MMP28: variants seen among roughly 807,000 people sequenced by gnomAD.
MMP28 encodes the protein matrix metalloproteinase-28.
MMP28 carries 55 observed loss-of-function variants against 60.5 expected under a neutral mutation model. The ratio of observed to expected loss-of-function variants is 0.91; its 90% confidence interval spans 0.73 to 1.14. MMP28 has a LOEUF of 1.14. MMP28 is among the 50% of genes most tolerant of loss of function. MMP28 has a pLI of 0.00. For missense variants in MMP28, 686 were observed against 738.3 expected (o/e 0.93, Z 0.82); for synonymous variants, 318 against 312.5 (o/e 1.02, Z -0.18).
chr17:35,788,665 T>C (rs1312796109), intron 1 of MMP28, among the ~76,000 whole-genome samples: 3 of 152,080 alleles, frequency 2.0e-5, no homozygotes, highest in Non-Finnish European at 4.4e-5. Flanking sequence ...TGGGGGTGGA[T>C]ACTCCACAGA....
downstream of MMP28, chr17:35,764,393 C>T: frequency 6.7e-7 from 1 of 1,501,424 alleles, no homozygotes; most frequent in Non-Finnish European, 8.9e-7. Flanking sequence ...GAGGGGCTGC[C>T]CCAGGCACTG....
At chr17:35,756,863 C>T (rs1568111914) in intron 2 of MMP28, among the ~76,000 whole-genome samples, 2 of 152,068 alleles carry the variant, frequency 1.3e-5, no homozygotes, top group African/African-American at 4.8e-5. Context: ...GAGTTGTTCT[C>T]CAGAGACAAG....
intron 1 of MMP28, among the ~76,000 whole-genome samples, chr17:35,785,212 G>A (rs2086613198): frequency 6.6e-6 from 1 of 152,126 alleles, no homozygotes; most frequent in Non-Finnish European, 1.5e-5. Context: ...AGCCTATTTA[G>A]TGCCTGAGGG....
chr17:35,764,102 G>A (rs781887858), downstream of MMP28: 4 of 1,550,334 alleles, frequency 2.6e-6, no homozygotes, highest in Non-Finnish European at 2.6e-6. Flanking sequence ...GGACGAGGAC[G>A]AGGACAACCA....
At chr17:35,763,938 A>AAATAAATAAATAAATAAATG (rs1568121389), downstream of MMP28, 4 of 1,077,316 alleles carry the variant, frequency 3.7e-6, no homozygotes, top group Non-Finnish European at 1.2e-6. Flanking sequence ...ATAAATAAAT[A>AAATAAATAAATAAATAAATG]CATGAAAAAT....
intron 2 of MMP28, among the ~76,000 whole-genome samples, chr17:35,759,140 CT>C (rs1568114337): frequency 6.6e-6 from 1 of 152,132 alleles, no homozygotes; most frequent in Non-Finnish European, 1.5e-5. Context: ...GTTCTCAAGT[CT>C]TTTGGTCATT....
chr17:35,756,921 GA>G (rs1306704545), intron 2 of MMP28, among the ~76,000 whole-genome samples: 1 of 151,924 alleles, frequency 6.6e-6, no homozygotes, highest in Non-Finnish European at 1.5e-5. Flanking sequence ...GACTGGGCCG[GA>G]CACAGTGGCT....
chr17:35,794,866 G>C (rs1598496475), intron 1 of MMP28, among the ~76,000 whole-genome samples: 1 of 152,272 alleles, frequency 6.6e-6, no homozygotes, highest in South Asian at 2.1e-4. Context: ...CCCGCGTCCC[G>C]GCCAGCCAGC....
Position 35,789,016 on chromosome 17 carries a change from C to T in MMP28, c.111+6251G>A, listed in dbSNP as rs1398319574. ...TCCTAAGTTGCCCACTGAACTTGTTCCTAAGTTGCAACAATGAACTTGTTT... is the reference window on the plus strand; with the variant it reads ...TCCTAAGTTGCCCACTGAACTTGTTTCTAAGTTGCAACAATGAACTTGTTT... On this transcript the variant is annotated intron_variant, in intron 1 of 7. Transcript: ENST00000605424. 3.9e-5 allele frequency among the ~76,000 whole-genome samples: 6 copies of T among 152,274 alleles called. No individual in the cohort carries two copies. The South Asian group carries it at 1.0e-3, about 26-fold the overall frequency.
intron 3 of MMP28, among the ~76,000 whole-genome samples, chr17:35,776,156 G>T (rs1212278499): frequency 6.6e-6 from 1 of 151,004 alleles, no homozygotes; most frequent in East Asian, 1.9e-4. Flanking sequence ...TTACAGGTGT[G>T]AGCCACCGCG....
Position 35,766,707 on chromosome 17 carries a change from G to T in MMP28, c.1356C>A (p.Tyr452Ter). ...ARGGLQVEPY[Y>*]PRSLQDWGGI... is the part of the protein sequence containing the mutation. The stretch of plus-strand genomic sequence containing the variant: ...CTCCCCAGTCCTGCAGACTTCGGGG[G>T]TAGTAGGGCTCCACTTGCAGTCCCC... The change falls in exon 8 of 8, where the codon TAC becomes TAA. Residue 452 changes from tyrosine to a stop codon, truncating the protein, a stop_gained. Coordinates refer to ENST00000605424, the MANE Select transcript of MMP28 (RefSeq NM_024302.5). LOFTEE classifies it high-confidence loss of function. This position sits in a 1 kb window ranked among gnomAD's most constrained non-coding sequence, Gnocchi z 4.3. 1 of 1,604,414 alleles carries T rather than the reference G, an allele frequency of 6.2e-7. No homozygotes were observed. The highest frequency in any genetic ancestry group is 8.5e-7 in the Non-Finnish European group (1 of 1,175,904).
intron 1 of MMP28, among the ~76,000 whole-genome samples, chr17:35,791,405 G>A (rs961403209): frequency 6.6e-6 from 1 of 152,062 alleles, no homozygotes; most frequent in African/African-American, 2.4e-5. Flanking sequence ...GGGCATGGTG[G>A]TGCGTGTCTG....
chr17:35,759,199 A>T (rs2085773720), intron 2 of MMP28, among the ~76,000 whole-genome samples: 1 of 152,206 alleles, frequency 6.6e-6, no homozygotes, highest in Non-Finnish European at 1.5e-5. Flanking sequence ...AGAGTGTGCA[A>T]TCAAGAGCCA....
At chr17:35,768,470 G>T in intron 5 of MMP28, 91 bp from the exon 6 acceptor site, 2 of 1,081,484 alleles carry the variant, frequency 1.8e-6, no homozygotes, top group Non-Finnish European at 2.6e-6. Flanking sequence ...TTACTTTCAT[G>T]ATTATCTAAT....
chr17:35,792,700 A>G lies in MMP28; in HGVS notation c.111+2567T>C, dbSNP rs143912973. On this transcript the variant is annotated intron_variant, in intron 1 of 7. Transcript: ENST00000605424. ...TGCCTTACATATTTTGTCCTGTATT[A>G]TTGTTGTGGGGGAGCTAGTCTTCAA... 1.1e-4 allele frequency among the ~76,000 whole-genome samples: 16 copies of G among 152,232 alleles called. No homozygotes were observed. The East Asian group carries it at 2.5e-3, about 24-fold the overall frequency.
chr17:35,795,209 C>G, intron 1 of MMP28, 58 bp downstream of exon 1: 5 of 1,222,654 alleles, frequency 4.1e-6, no homozygotes, highest in Non-Finnish European at 5.3e-6. Context: ...GCCTGACTGC[C>G]GAGTTCTGAC....
downstream of MMP28, chr17:35,765,809 C>G: frequency 1.0e-6 from 1 of 978,878 alleles, no homozygotes; most frequent in Non-Finnish European, 1.2e-6. Flanking sequence ...TCCCCTGCAC[C>G]CATGCCCACC....
chr17:35,767,637 A>G (rs2085985568), intron 7 of MMP28, 115 bp downstream of exon 7: 4 of 1,244,678 alleles, frequency 3.2e-6, no homozygotes, highest in Admixed American at 2.5e-5. Context: ...ATTGGAATGG[A>G]GACTCCACCA....
At chr17:35,764,574 G>C (rs371809143), downstream of MMP28, 1 of 1,594,518 alleles carries the variant, frequency 6.3e-7, no homozygotes, top group African/African-American at 1.4e-5. Context: ...CTGCGTTCTG[G>C]ATCACCCGGA....
Sources: allele counts gnomAD v4.1 joint callset (sites outside exome capture counted in the v4.1 genomes callset), GRCh38; gene constraint gnomAD v4.1.1; non-coding constraint Gnocchi (gnomAD v3.1); transcripts MANE v1.5; gene names NCBI Gene and HGNC (gene_info 2026-07-23, HGNC 2026-07-21).